The following PADI6 variants were observed in gnomAD, a reference collection of about 807,000 sequenced individuals.
The protein encoded by PADI6 is peptidyl arginine deiminase 6, also known as inactive protein-arginine deiminase type-6.
A neutral mutation model predicts 78.2 loss-of-function variants in PADI6; 66 were observed. The observed-to-expected ratio is 0.84, with a 90% CI of 0.69 to 1.04. The LOEUF (loss-of-function observed/expected upper bound fraction) is 1.04, where lower values mean the gene tolerates loss of function less well. PADI6 is among the 50% of genes least tolerant of loss of function. The probability of loss-of-function intolerance (pLI) is 0.00; values close to 1 mark genes in which losing one functional copy is unlikely to be tolerated. For synonymous variants in PADI6, 397 were observed against 346.9 expected (o/e 1.14, Z -1.60); for missense variants, 854 against 866.1 (o/e 0.99, Z 0.18).
At chr1:17,397,022 G>A (rs1027934689) in intron 13 of PADI6, 49 bp from the exon 14 acceptor site, 21 of 1,585,016 alleles carry the variant, frequency 1.3e-5, no homozygotes, top group Non-Finnish European at 1.7e-5. Context: ...GCTCTGGGCA[G>A]TGCTGCCATT....
In PADI6 at chr1:17,392,205, C is replaced by T. The variant is rs1464076815; in HGVS notation, c.1054C>T (p.Arg352Cys). Residue 352 changes from arginine to cysteine, a missense_variant, in exon 9 of 16, where the codon CGC (arginine) becomes TGC (cysteine). Transcript: ENST00000619609. ...GGCATCTGTCTATGAGGACCCCAACCGCCTGGGCAGGTGGCTCCAGGTAAC... is the reference window on the plus strand; with the variant it reads ...GGCATCTGTCTATGAGGACCCCAACTGCCTGGGCAGGTGGCTCCAGGTAAC... ...QVASVYEDPN[R>C]LGRWLQDEMA... 1.3e-5 allele frequency: 20 copies of T among 1,556,616 alleles called. No individual in the cohort carries two copies. Among genetic ancestry groups the T allele is most frequent in the East Asian group, 7.3e-5 (3 of 41,340 alleles).
rs1318365967 is a variant in PADI6 at position 17,382,097 on chromosome 1, G to A, written c.679+5G>A. The A allele has an allele frequency of 6.2e-7, 1 of 1,613,306 alleles. No homozygotes were observed. The highest frequency in any genetic ancestry group is 1.1e-5 in the South Asian group (1 of 91,012). ...CGAGAGTCTACTGGCCCCAAAGTGA[G>A]TGTTCTTGTGCCAGCTCCAGCTTTG... On this transcript the variant is annotated splice_donor_5th_base_variant and intron_variant, in intron 6 of 15. Transcript: ENST00000619609.
At chr1:17,383,126 C>T (rs2075088776) in intron 6 of PADI6, among the ~76,000 whole-genome samples, 1 of 152,218 alleles carries the variant, frequency 6.6e-6, no homozygotes, top group Admixed American at 6.5e-5. Context: ...GCTTCAGCTA[C>T]GCAACGCAGG....
At chr1:17,377,720 GCACTCCCAGTGTGTT>G (rs2075033015) in intron 3 of PADI6, among the ~76,000 whole-genome samples, 1 of 152,098 alleles carries the variant, frequency 6.6e-6, no homozygotes, top group Admixed American at 6.6e-5. Flanking sequence ...CCAGCAACTC[GCACTCCCAGTGTGTT>G]CACTCCGGCT....
intron 14 of PADI6, 146 bp downstream of exon 14, chr1:17,397,287 C>A (rs1222473015): frequency 4.7e-6 from 4 of 853,302 alleles, no homozygotes; most frequent in Non-Finnish European, 7.4e-6. Context: ...GGTCTTGATA[C>A]AGGCCCAGGT....
intron 3 of PADI6, among the ~76,000 whole-genome samples, chr1:17,378,515 T>C (rs1360999235): frequency 6.6e-6 from 1 of 152,066 alleles, no homozygotes; most frequent in Non-Finnish European, 1.5e-5. Flanking sequence ...CCTTGTGTGG[T>C]GGAAGGGATG....
chr1:17,394,237 T>A, intron 10 of PADI6, 63 bp from the exon 11 acceptor site: 1 of 1,591,130 alleles, frequency 6.3e-7, no homozygotes. Flanking sequence ...GATTTAGGGA[T>A]AAGACTGGGG....
chr1:17,394,203 C>T (rs142799058), intron 10 of PADI6, 97 bp from the exon 11 acceptor site: 65 of 1,553,810 alleles, frequency 4.2e-5, no homozygotes, highest in African/African-American at 2.0e-4. Flanking sequence ...GGGGAGGGGA[C>T]GTGGAAGTCT....
At chr1:17,390,416 A>G (rs1245871792) in intron 8 of PADI6, among the ~76,000 whole-genome samples, 1 of 152,148 alleles carries the variant, frequency 6.6e-6, no homozygotes, top group East Asian at 1.9e-4. Context: ...CCTGGCCAAC[A>G]TGGTAAAACC....
intron 3 of PADI6, among the ~76,000 whole-genome samples, chr1:17,379,305 G>C (rs1229446950): frequency 6.8e-6 from 1 of 146,988 alleles, no homozygotes; most frequent in Non-Finnish European, 1.5e-5. Flanking sequence ...TAGTAGAGAC[G>C]GGGTTTCACC....
rs181517221 is a variant in PADI6, at chr1:17,390,562, C to T, written c.963-1552C>T. 1.4e-3 allele frequency among the ~76,000 whole-genome samples: 210 copies of T among 150,266 alleles called. 1 individual carries two copies. The highest frequency in any genetic ancestry group is 2.3e-3 in the Non-Finnish European group (154 of 67,770). On this transcript the variant is annotated intron_variant, in intron 8 of 15. Coordinates refer to ENST00000619609, the MANE Select transcript of PADI6 (RefSeq NM_207421.4). ...GAGGTTGCAGTGAGCCAAGATTGCA[C>T]CACTGTACTCCAGCCTGGGTGACAG...
chr1:17,373,061 C>A lies in PADI6; in HGVS notation c.122C>A (p.Ala41Asp). ...TEICLDLSGC[A>D]PQKCQCFTIH... Reference sequence around the variant, plus strand: ...TCTCTTACCGGGCAAACCAGGTGTGCCCCCCAGAAGTGCCAGTGCTTCACC... The same window carrying A: ...TCTCTTACCGGGCAAACCAGGTGTGACCCCCAGAAGTGCCAGTGCTTCACC... The change falls in exon 2 of 16, where the codon GCC (alanine) becomes GAC (aspartate). Residue 41 changes from alanine (A) to aspartate (D), a missense_variant. By Grantham distance (126) the Ala-to-Asp change is moderately radical (BLOSUM62 -2). Coordinates refer to ENST00000619609, the MANE Select transcript of PADI6 (RefSeq NM_207421.4). The A allele has an allele frequency of 6.2e-7, 1 of 1,612,694 alleles. No individual in the cohort carries two copies. The highest frequency in any genetic ancestry group is 1.3e-5 in the African/African-American group (1 of 74,996).
intron 6 of PADI6, among the ~76,000 whole-genome samples, chr1:17,384,693 T>C (rs2100301604): frequency 6.6e-6 from 1 of 152,262 alleles, no homozygotes; most frequent in African/African-American, 2.4e-5. Flanking sequence ...GAGCCGACAT[T>C]GCACCACTGC....
intron 6 of PADI6, among the ~76,000 whole-genome samples, chr1:17,385,849 A>AG (rs1325001639): frequency 6.6e-6 from 1 of 152,182 alleles, no homozygotes; most frequent in African/African-American, 2.4e-5. Flanking sequence ...AGAACCAAGA[A>AG]GGGTACCCAC....
chr1:17,400,740 C>T (rs1284132387), intron 15 of PADI6, among the ~76,000 whole-genome samples: 1 of 152,142 alleles, frequency 6.6e-6, no homozygotes, highest in Non-Finnish European at 1.5e-5. Context: ...GACCTCTTCC[C>T]TGGGTCCTAG....
chr1:17,388,989 G>A, intron 8 of PADI6, 109 bp downstream of exon 8: 2 of 809,288 alleles, frequency 2.5e-6, no homozygotes, highest in South Asian at 1.7e-5. Context: ...CTCACCAGGA[G>A]AGTTGAAACC....
chr1:17,392,277 C>T (rs754291664), intron 9 of PADI6, 52 bp downstream of exon 9: 7 of 1,316,740 alleles, frequency 5.3e-6, no homozygotes, highest in Middle Eastern at 3.9e-4. Context: ...GGAGACTCAG[C>T]ATGTGCCACC....
intron 6 of PADI6, among the ~76,000 whole-genome samples, chr1:17,384,373 T>A (rs1028426603): frequency 1.3e-5 from 2 of 151,930 alleles, no homozygotes; most frequent in South Asian, 4.2e-4. Context: ...GCAGGAGGCT[T>A]ACTTGGGCAC....
chr1:17,382,058 A>C lies in PADI6; in HGVS notation c.645A>C (p.Glu215Asp). 7 of 1,613,990 alleles carry C rather than the reference A, an allele frequency of 4.3e-6. No individual in the cohort carries two copies. Among genetic ancestry groups the C allele is most frequent in the Non-Finnish European group, 5.9e-6 (7 of 1,179,864 alleles). Residue 215 changes from glutamate (E) to aspartate (D), a missense_variant, in exon 6 of 16, where the codon GAA becomes GAC. Transcript: ENST00000619609. ...KYRLVLHTSK[E>D]ESKKARVYWP... is the part of the protein sequence containing the mutation. ...GGCTAGTCCTCCATACCTCCAAGGA[A>C]GAGTCGAAGAAGGCGAGAGTCTACT...
Sources: gnomAD v4.1 joint callset for allele counts (sites outside exome capture counted in the v4.1 genomes callset) on GRCh38, gnomAD v4.1.1 for gene constraint, MANE v1.5 for transcripts, NCBI Gene and HGNC (gene_info 2026-07-23, HGNC 2026-07-21) for gene names.